Variants in CHODL observed in about 807,000 individuals in gnomAD.
CHODL encodes chondrolectin, also known as transmembrane protein MT75.
CHODL carries 29 observed loss-of-function variants against 34.5 expected under a neutral mutation model. The ratio of observed to expected loss-of-function variants is 0.84; its 90% confidence interval spans 0.63 to 1.15. CHODL has a LOEUF of 1.15. CHODL is among the 50% of genes most tolerant of loss of function. The pLI, the probability that CHODL is intolerant of heterozygous loss-of-function variation, is 0.00. For synonymous variants in CHODL, 125 were observed against 116.1 expected (o/e 1.08, Z -0.49); for missense variants, 332 against 332.5 (o/e 1.00, Z 0.01).
chr21:18,167,864 G>T (rs115786899), intron 2 of CHODL, among the ~76,000 whole-genome samples: 1,570 of 152,234 alleles, frequency 0.01, 28 homozygotes, highest in African/African-American at 0.036. Flanking sequence ...GTTTGTCTGT[G>T]TGGGTGTTTC....
At chr21:18,100,201 C>A (rs1397024440) in intron 2 of CHODL, among the ~76,000 whole-genome samples, 1 of 152,026 alleles carries the variant, frequency 6.6e-6, no homozygotes, top group Non-Finnish European at 1.5e-5. Flanking sequence ...AAATATCTAA[C>A]ATGTTGAATC....
intron 2 of CHODL, among the ~76,000 whole-genome samples, chr21:18,176,800 T>C (rs1216638825): frequency 6.6e-6 from 1 of 151,988 alleles, no homozygotes; most frequent in Non-Finnish European, 1.5e-5. Flanking sequence ...TTTAGGAAAA[T>C]TATTTTATAG....
At chr21:18,180,702 G>T (rs1428158619) in intron 2 of CHODL, among the ~76,000 whole-genome samples, 1 of 152,166 alleles carries the variant, frequency 6.6e-6, no homozygotes, top group African/African-American at 2.4e-5. Flanking sequence ...AATTCTAAAC[G>T]TGTGATCAAA....
intron 1 of CHODL, among the ~76,000 whole-genome samples, chr21:17,949,980 GA>G (rs2063442864): frequency 6.6e-6 from 1 of 151,978 alleles, no homozygotes; most frequent in East Asian, 1.9e-4. Flanking sequence ...AAATAAAATA[GA>G]AAAAAATACC....
intron 1 of CHODL, among the ~76,000 whole-genome samples, chr21:17,975,645 C>G (rs2146367710): frequency 6.6e-6 from 1 of 152,204 alleles, no homozygotes; most frequent in South Asian, 2.1e-4. Flanking sequence ...TGTTTCTTAA[C>G]AGTATTCTGC....
intron 4 of CHODL, among the ~76,000 whole-genome samples, chr21:18,261,801 A>G (rs945213484): frequency 6.6e-6 from 1 of 152,174 alleles, no homozygotes; most frequent in Non-Finnish European, 1.5e-5. Context: ...AATACCTAGC[A>G]TTATCAAATG....
At chr21:17,963,235 T>C (rs1486485381) in intron 1 of CHODL, among the ~76,000 whole-genome samples, 13 of 152,134 alleles carry the variant, frequency 8.5e-5, no homozygotes, top group Non-Finnish European at 1.8e-4. Flanking sequence ...TTGTAGAACA[T>C]ATCCCAAAAT....
At chr21:18,003,072 C>G (rs2063924260) in intron 1 of CHODL, among the ~76,000 whole-genome samples, 1 of 149,422 alleles carries the variant, frequency 6.7e-6, no homozygotes, top group Non-Finnish European at 1.5e-5. Flanking sequence ...TGCAGTGAGC[C>G]GAGATCGCGC....
rs531951782 is a variant in CHODL, at chr21:18,005,272, T to C, written c.-144-22600T>C. 7.9e-5 allele frequency among the ~76,000 whole-genome samples: 12 copies of C among 152,366 alleles called. 1 individual carries two copies. In the South Asian group the frequency reaches 2.5e-3, roughly 32 times the overall value. On this transcript the variant is annotated intron_variant, in intron 1 of 6. Coordinates refer to the CHODL transcript ENST00000400127. ...ATTTGTGAAGTAGGAATAATATTCTTACCTATAATTCATAAGGCTGTTACA... is the reference window on the plus strand; with the variant it reads ...ATTTGTGAAGTAGGAATAATATTCTCACCTATAATTCATAAGGCTGTTACA...
intron 2 of CHODL, among the ~76,000 whole-genome samples, chr21:18,213,546 T>C (rs2073794048): frequency 1.3e-5 from 2 of 151,972 alleles, no homozygotes; most frequent in African/African-American, 4.8e-5. Flanking sequence ...TTGGGGTGGA[T>C]GAAATTAATG....
chr21:18,039,517 C>T (rs184044552), intron 2 of CHODL, among the ~76,000 whole-genome samples: 1 of 151,720 alleles, frequency 6.6e-6, no homozygotes, highest in Admixed American at 6.6e-5. Context: ...AATATTTGAC[C>T]TGAATTTCTT....
chr21:18,033,059 G>A (rs1449268711), intron 2 of CHODL, among the ~76,000 whole-genome samples: 3 of 152,010 alleles, frequency 2.0e-5, no homozygotes, highest in Non-Finnish European at 4.4e-5. Context: ...TGAATGCTAT[G>A]CAAAGAACAA....
chr21:18,146,838 A>G (rs1266554957), intron 2 of CHODL, among the ~76,000 whole-genome samples: 1 of 152,198 alleles, frequency 6.6e-6, no homozygotes, highest in Admixed American at 6.5e-5. Context: ...ATTTAGCCCC[A>G]TAAAAACTAT....
intron 1 of CHODL, among the ~76,000 whole-genome samples, chr21:17,978,743 A>G (rs542365008): frequency 6.7e-6 from 1 of 149,852 alleles, no homozygotes; most frequent in African/African-American, 2.5e-5. Context: ...GAAAAAAAAA[A>G]AAACAAACAA....
intron 1 of CHODL, among the ~76,000 whole-genome samples, chr21:17,933,931 C>T (rs201938863): frequency 2.0e-5 from 3 of 151,508 alleles, no homozygotes; most frequent in Non-Finnish European, 2.9e-5. Flanking sequence ...CCCAGCTACT[C>T]GGGAGGCTGA....
At chr21:18,245,500 T>G (rs2146780074) in intron 1 of CHODL, among the ~76,000 whole-genome samples, 198 bp downstream of exon 1, 1 of 152,288 alleles carries the variant, frequency 6.6e-6, no homozygotes, top group South Asian at 2.1e-4. Context: ...AAAGTTTAAA[T>G]TTTTGTGAAG....
At chr21:18,117,669 C>T (rs2065428810) in intron 2 of CHODL, among the ~76,000 whole-genome samples, 1 of 151,270 alleles carries the variant, frequency 6.6e-6, no homozygotes, top group Non-Finnish European at 1.5e-5. Context: ...GAGTTATTGT[C>T]ATTGTGACTT....
chr21:18,249,438 G>C (rs145586579), intron 1 of CHODL, among the ~76,000 whole-genome samples: 1 of 152,004 alleles, frequency 6.6e-6, no homozygotes, highest in Non-Finnish European at 1.5e-5. Context: ...TATATGGTTT[G>C]AAAATCTGAG....
At chr21:18,211,089 T>A (rs1392377020) in intron 2 of CHODL, among the ~76,000 whole-genome samples, 1 of 151,920 alleles carries the variant, frequency 6.6e-6, no homozygotes, top group Non-Finnish European at 1.5e-5. Flanking sequence ...TACACCTGCC[T>A]CTTTTCCTTT....
Sources: allele counts gnomAD v4.1 joint callset (sites outside exome capture counted in the v4.1 genomes callset), GRCh38; gene constraint gnomAD v4.1.1; transcripts MANE v1.5; gene names NCBI Gene and HGNC (gene_info 2026-07-23, HGNC 2026-07-21).